SHISAL1: variants seen among roughly 807,000 people sequenced by gnomAD.
The protein encoded by SHISAL1 is protein shisa-like-1.
In SHISAL1, 9 loss-of-function variants were observed where a neutral mutation model predicts 22.6. That is an observed-to-expected ratio of 0.40 (90% CI 0.24 to 0.70). The LOEUF (loss-of-function observed/expected upper bound fraction) is 0.70. SHISAL1 is among the 30% of genes least tolerant of loss of function. The pLI is 0.39. For synonymous variants in SHISAL1, 119 were observed against 115.4 expected (o/e 1.03, Z -0.20); for missense variants, 246 against 270.6 (o/e 0.91, Z 0.64).
chr22:44,324,686 G>T, the SHISAL1 span, among the ~76,000 whole-genome samples: 8 of 152,212 alleles, frequency 5.3e-5, no homozygotes, highest in African/African-American at 1.7e-4. Context: ...AGCAAGCAGC[G>T]GAGACTTGTC....
chr22:44,254,267 C>T (rs2055069502), intron 4 of SHISAL1, among the ~76,000 whole-genome samples: 1 of 151,888 alleles, frequency 6.6e-6, no homozygotes, highest in Non-Finnish European at 1.5e-5. Context: ...CTAAGAAAGA[C>T]ATACAGTAGC....
intron 3 of SHISAL1, 106 bp from the exon 4 acceptor site, chr22:44,285,851 G>T: frequency 2.0e-6 from 2 of 995,338 alleles, no homozygotes. Context: ...GCTATGTTGG[G>T]GTCCCCGGGA....
upstream of SHISAL1, among the ~76,000 whole-genome samples, chr22:44,317,225 C>T (rs190927011): frequency 9.0e-4 from 137 of 152,320 alleles, no homozygotes; most frequent in African/African-American, 3.2e-3. Context: ...CGATTCAGCT[C>T]CGAGAGCCGG....
chr22:44,315,059 C>A (rs1007073109), upstream of SHISAL1, among the ~76,000 whole-genome samples: 2 of 152,062 alleles, frequency 1.3e-5, no homozygotes, highest in Admixed American at 6.5e-5. Flanking sequence ...TGCTTGGGAG[C>A]GCACAGGCTG....
In SHISAL1 at chr22:44,294,507, C is replaced by T. The variant is rs77526547; in HGVS notation, c.281+2165G>A. Among the ~76,000 whole-genome samples, 1,446 of 152,282 alleles carry T rather than the reference C, an allele frequency of 9.5e-3. 20 individuals are homozygous for T. Among genetic ancestry groups the T allele is most frequent in the African/African-American group, 0.033 (1,375 of 41,548 alleles). ...AAAATACATCTGCCCCAAAACTCAG[C>T]CTCATGCTTATTGGGAAAATAATTT... On this transcript the variant is annotated intron_variant, in intron 3 of 4. Coordinates refer to ENST00000381176, the MANE Select transcript of SHISAL1 (RefSeq NM_001099294.2).
upstream of SHISAL1, among the ~76,000 whole-genome samples, chr22:44,316,646 C>T (rs1243947488): frequency 1.3e-5 from 2 of 152,218 alleles, no homozygotes; most frequent in Non-Finnish European, 2.9e-5. Context: ...GAGATCATTG[C>T]TACCCCAAGC....
chr22:44,276,893 T>C (rs2055243806), intron 4 of SHISAL1, among the ~76,000 whole-genome samples: 1 of 152,058 alleles, frequency 6.6e-6, no homozygotes, highest in African/African-American at 2.4e-5. Context: ...AGGCAGATGA[T>C]GAACGAGCTG....
At chr22:44,274,256 T>C (rs1367280044) in intron 4 of SHISAL1, among the ~76,000 whole-genome samples, 1 of 152,004 alleles carries the variant, frequency 6.6e-6, no homozygotes, top group Non-Finnish European at 1.5e-5. Flanking sequence ...TCTCAAGAAA[T>C]GCAAACTGTA....
At chr22:44,285,960 C>T (rs1477761301) in intron 3 of SHISAL1, among the ~76,000 whole-genome samples, 1 of 152,182 alleles carries the variant, frequency 6.6e-6, no homozygotes, top group African/African-American at 2.4e-5. Context: ...GGGCCTGGTC[C>T]CCACCTGGGC....
chr22:44,257,696 G>T (rs1186736233), intron 4 of SHISAL1, among the ~76,000 whole-genome samples: 1 of 152,194 alleles, frequency 6.6e-6, no homozygotes, highest in Non-Finnish European at 1.5e-5. Flanking sequence ...AAAGGTAAGT[G>T]AACACCTGTG....
At chr22:44,300,577 A>G (rs2055421137) in intron 2 of SHISAL1, among the ~76,000 whole-genome samples, 1 of 152,200 alleles carries the variant, frequency 6.6e-6, no homozygotes, top group African/African-American at 2.4e-5. Flanking sequence ...CTTGTCTCGC[A>G]GGGGCAAAGG....
intron 4 of SHISAL1, among the ~76,000 whole-genome samples, chr22:44,281,617 C>T (rs972839368): frequency 6.6e-6 from 1 of 152,158 alleles, no homozygotes; most frequent in East Asian, 1.9e-4. Context: ...GGCACTTTGT[C>T]GCAGGTGCGG....
chr22:44,330,115 T>C, the SHISAL1 span, among the ~76,000 whole-genome samples: 1 of 152,230 alleles, frequency 6.6e-6, no homozygotes, highest in Non-Finnish European at 1.5e-5. Flanking sequence ...CCTCATTTTA[T>C]AGTCTAGTAA....
At chr22:44,300,756 A>T (rs1016632121) in intron 2 of SHISAL1, 123 bp downstream of exon 2, 1 of 758,934 alleles carries the variant, frequency 1.3e-6, no homozygotes, top group Non-Finnish European at 2.2e-6. Context: ...GGTGCCAGTA[A>T]GGTGGAGGAC....
At chr22:44,329,927 C>T in the SHISAL1 span, among the ~76,000 whole-genome samples, 1 of 152,186 alleles carries the variant, frequency 6.6e-6, no homozygotes, top group Non-Finnish European at 1.5e-5. Flanking sequence ...TGATTCCCAG[C>T]AAGGTTTGGA....
At chr22:44,285,825 G>C in intron 3 of SHISAL1, 80 bp from the exon 4 acceptor site, 3 of 1,208,404 alleles carry the variant, frequency 2.5e-6, no homozygotes, top group East Asian at 4.7e-5. Context: ...GGGCTGATTA[G>C]AGAATGTGTC....
At chr22:44,274,116 G>A (rs1038468661) in intron 4 of SHISAL1, among the ~76,000 whole-genome samples, 1 of 150,370 alleles carries the variant, frequency 6.7e-6, no homozygotes, top group Non-Finnish European at 1.5e-5. Context: ...CGTGGTGGTG[G>A]GTGTCTGTAA....
At chr22:44,326,522 AT>A in the SHISAL1 span, among the ~76,000 whole-genome samples, 3 of 151,878 alleles carry the variant, frequency 2.0e-5, no homozygotes, top group Non-Finnish European at 2.9e-5. Flanking sequence ...CCAAAAAAAA[AT>A]TTTTTTTCCC....
At chr22:44,267,149 C>T (rs547199312) in intron 4 of SHISAL1, among the ~76,000 whole-genome samples, 6 of 152,202 alleles carry the variant, frequency 3.9e-5, no homozygotes, top group Middle Eastern at 3.4e-3. Flanking sequence ...AGCCCACATC[C>T]GAGGCCAGGT....
Sources: gnomAD v4.1 joint callset for allele counts (sites outside exome capture counted in the v4.1 genomes callset) on GRCh38, gnomAD v4.1.1 for gene constraint, MANE v1.5 for transcripts, NCBI Gene and HGNC (gene_info 2026-07-23, HGNC 2026-07-21) for gene names.